The following FTO variants were observed in gnomAD, a reference collection of about 807,000 sequenced individuals.
The protein encoded by FTO is FTO alpha-ketoglutarate dependent dioxygenase.
Under a neutral mutation model 63.9 loss-of-function variants are expected in FTO, and 47 were observed. The ratio of observed to expected loss-of-function variants is 0.74; its 90% CI spans 0.58 to 0.94. The LOEUF (loss-of-function observed/expected upper bound fraction) is 0.94, where lower values mean the gene tolerates loss of function less well. Among genes scored for constraint, FTO ranks in the 40% least tolerant of loss-of-function variants. The probability of loss-of-function intolerance (pLI) is 0.00; values close to 1 mark genes in which losing one functional copy is unlikely to be tolerated. For synonymous variants in FTO, 207 were observed against 224.4 expected (o/e 0.92, Z 0.69); for missense variants, 562 against 618.1 (o/e 0.91, Z 0.96).
chr16:53,947,564 A>G (rs1172519850), intron 8 of FTO, among the ~76,000 whole-genome samples: 5 of 152,102 alleles, frequency 3.3e-5, no homozygotes, highest in African/African-American at 1.2e-4. Context: ...TTGAACGAGC[A>G]TTTTATTTGT....
At chr16:54,106,003 T>G (rs531276463) in intron 8 of FTO, among the ~76,000 whole-genome samples, 1 of 152,254 alleles carries the variant, frequency 6.6e-6, no homozygotes, top group Non-Finnish European at 1.5e-5. Flanking sequence ...ACCTATTGAT[T>G]AAAAACACAA....
chr16:53,846,347 G>A (rs992818568), intron 4 of FTO, among the ~76,000 whole-genome samples: 2 of 151,744 alleles, frequency 1.3e-5, no homozygotes, highest in African/African-American at 2.4e-5. Context: ...TTTGTACCAC[G>A]CAAATACAGA....
chr16:53,864,838 A>G (rs1300112700), intron 4 of FTO, among the ~76,000 whole-genome samples: 1 of 152,214 alleles, frequency 6.6e-6, no homozygotes, highest in Non-Finnish European at 1.5e-5. Flanking sequence ...TCGATAAATT[A>G]GAAGCTCTTA....
intron 1 of FTO, among the ~76,000 whole-genome samples, chr16:53,710,476 C>A (rs1034458067): frequency 3.3e-5 from 5 of 151,816 alleles, no homozygotes; most frequent in African/African-American, 1.2e-4. Flanking sequence ...TGTTGGCCAG[C>A]CTGATCTCGA....
At chr16:54,024,206 G>A (rs1284995681) in intron 8 of FTO, among the ~76,000 whole-genome samples, 1 of 152,044 alleles carries the variant, frequency 6.6e-6, no homozygotes, top group African/African-American at 2.4e-5. Context: ...CCAAAAAAAT[G>A]TCTAGGCTGT....
chr16:53,760,437 G>A (rs1216627887), intron 1 of FTO, among the ~76,000 whole-genome samples: 2 of 151,394 alleles, frequency 1.3e-5, no homozygotes, highest in African/African-American at 4.9e-5. Flanking sequence ...GTAGGGATGG[G>A]GTTTTGCCAT....
chr16:54,008,743 C>T (rs1029526686), intron 8 of FTO, among the ~76,000 whole-genome samples: 2 of 151,126 alleles, frequency 1.3e-5, no homozygotes, highest in Non-Finnish European at 2.9e-5. Context: ...AAAGCTCAGA[C>T]TTTATTTTCA....
intron 8 of FTO, among the ~76,000 whole-genome samples, chr16:54,064,621 G>C (rs2085673188): frequency 6.6e-6 from 1 of 152,114 alleles, no homozygotes; most frequent in Non-Finnish European, 1.5e-5. Context: ...TGGGGAATGG[G>C]GCAGGGAGAG....
intron 8 of FTO, among the ~76,000 whole-genome samples, chr16:53,978,387 T>G (rs1389333361): frequency 6.6e-6 from 1 of 152,232 alleles, no homozygotes; most frequent in East Asian, 1.9e-4. Flanking sequence ...TTAATCTTAG[T>G]TTTCACAGCT....
At chr16:53,878,234 G>A (rs2080722153) in intron 5 of FTO, among the ~76,000 whole-genome samples, 2 of 152,132 alleles carry the variant, frequency 1.3e-5, no homozygotes, top group South Asian at 4.1e-4. Flanking sequence ...GGAGGCAGAG[G>A]TTGCGGTGAG....
intron 1 of FTO, among the ~76,000 whole-genome samples, chr16:53,771,166 G>A (rs1044960041): frequency 2.6e-5 from 4 of 152,062 alleles, no homozygotes; most frequent in African/African-American, 7.2e-5. Flanking sequence ...GGTAGAATGT[G>A]GGGAATCTCC....
At chr16:53,758,744 G>A (rs1437259114) in intron 1 of FTO, among the ~76,000 whole-genome samples, 1 of 152,132 alleles carries the variant, frequency 6.6e-6, no homozygotes, top group East Asian at 1.9e-4. Context: ...GGAAAATGTG[G>A]AGAGCAGAAA....
At chr16:53,988,905 A>G (rs1462656482) in intron 8 of FTO, among the ~76,000 whole-genome samples, 1 of 152,166 alleles carries the variant, frequency 6.6e-6, no homozygotes, top group Non-Finnish European at 1.5e-5. Flanking sequence ...CCTAGAAAGA[A>G]TCTTAAAATA....
chr16:53,906,751 T>C (rs1470893851), intron 7 of FTO, among the ~76,000 whole-genome samples: 1 of 152,104 alleles, frequency 6.6e-6, no homozygotes, highest in East Asian at 1.9e-4. Context: ...GCAGGTTATA[T>C]AAGGCTTCTA....
At chr16:54,016,405 C>T (rs1257006244) in intron 8 of FTO, among the ~76,000 whole-genome samples, 3 of 152,098 alleles carry the variant, frequency 2.0e-5, no homozygotes, top group Non-Finnish European at 4.4e-5. Context: ...TACCTAGTTG[C>T]TACCACCCCT....
intron 8 of FTO, among the ~76,000 whole-genome samples, chr16:54,030,200 T>C (rs2084796997): frequency 6.6e-6 from 1 of 152,206 alleles, no homozygotes; most frequent in African/African-American, 2.4e-5. Flanking sequence ...CTTGTTCATA[T>C]GGAAGATAAA....
intron 8 of FTO, among the ~76,000 whole-genome samples, chr16:54,073,356 TTAAG>T (rs1315749751): frequency 3.4e-5 from 5 of 148,802 alleles, no homozygotes; most frequent in African/African-American, 1.3e-4. Context: ...GGCAAATTAA[TTAAG>T]TTTTACTTTT....
In FTO at chr16:53,807,495, C is replaced by A. The variant is rs760421839; in HGVS notation, c.46-2645C>A. On this transcript the variant is annotated intron_variant, in intron 1 of 8. Coordinates refer to ENST00000471389, the MANE Select transcript of FTO (RefSeq NM_001080432.3). ...AGGTTCAGCCTACATTGGCACTTGT[C>A]GACCTATGGGACAGGTCTGTTGCTG... Among the ~76,000 whole-genome samples, 10 of 152,266 alleles carry A rather than the reference C, an allele frequency of 6.6e-5. No homozygotes were observed. The East Asian group carries it at 9.6e-4, about 15-fold the overall frequency.
chr16:54,040,327 G>T (rs1456228778), intron 8 of FTO: 2 of 151,998 alleles, frequency 1.3e-5, no homozygotes, highest in South Asian at 2.1e-4. Flanking sequence ...CATTTATATG[G>T]CAAAATCTCA....
Sources: allele counts gnomAD v4.1 joint callset (sites outside exome capture counted in the v4.1 genomes callset), GRCh38; gene constraint gnomAD v4.1.1; transcripts MANE v1.5; gene names NCBI Gene and HGNC (gene_info 2026-07-23, HGNC 2026-07-21).